The following FUNDC2 variants were observed in gnomAD, a reference collection of about 807,000 sequenced individuals.
FUNDC2 encodes the protein FUN14 domain-containing protein 2.
A neutral mutation model predicts 15.6 loss-of-function variants in FUNDC2; 4 were observed. The ratio of observed to expected loss-of-function variants is 0.26; its 90% CI spans 0.13 to 0.59. The LOEUF (loss-of-function observed/expected upper bound fraction) is 0.59. Ranked by LOEUF, FUNDC2 falls within the 20% of genes least tolerant of loss-of-function variation. The probability of loss-of-function intolerance (pLI) is 0.90; values close to 1 mark genes in which losing one functional copy is unlikely to be tolerated. For synonymous variants in FUNDC2, 44 were observed against 56.9 expected (o/e 0.77, Z 1.02); for missense variants, 98 against 149.7 (o/e 0.65, Z 1.80).
At chrX:155,033,167 T>C (rs1222367370) in intron 1 of FUNDC2, 1 of 280,321 alleles carries the variant, frequency 3.6e-6, no homozygotes, top group Non-Finnish European at 6.3e-6. Context: ...TTTTTAAATT[T>C]GAGAGGACAA....
chrX:155,031,821 T>C (rs1429034552), intron 1 of FUNDC2, among the ~76,000 whole-genome samples: 2 of 111,959 alleles, frequency 1.8e-5, no homozygotes, highest in African/African-American at 6.5e-5. Context: ...TGACATTTCA[T>C]ATCAGACATT....
intron 1 of FUNDC2, among the ~76,000 whole-genome samples, chrX:155,030,338 C>G (rs1034665267): frequency 3.3e-5 from 3 of 91,136 alleles, no homozygotes; most frequent in Non-Finnish European, 6.2e-5. Context: ...CCAGACCAGC[C>G]TAGGCAACAA....
intron 2 of FUNDC2, among the ~76,000 whole-genome samples, chrX:155,039,010 C>T (rs1482479030): frequency 2.7e-5 from 3 of 112,325 alleles, no homozygotes; most frequent in African/African-American, 3.2e-5. Flanking sequence ...CTCACCAACA[C>T]TTGTTATCTC....
rs782780466 is a variant in FUNDC2, at chrX:155,033,439, C to A, written c.170C>A (p.Ala57Glu). The A allele has an allele frequency of 2.5e-6, 3 of 1,209,583 alleles. No individual in the cohort carries two copies. Among genetic ancestry groups the A allele is most frequent in the East Asian group, 5.9e-5 (2 of 33,848 alleles). The stretch of plus-strand genomic sequence containing the variant: ...GGAAATTTTGAGTCACTGGACCTTG[C>A]GGAATTTGCTAAGAAGCAGCCATGG... ...FEGNFESLDLAEFAKKQPWWR... is the reference protein window; with the variant it reads ...FEGNFESLDLEEFAKKQPWWR... The change falls in exon 2 of 5, where the codon GCG becomes GAG. Residue 57 changes from alanine (A) to glutamate (E), a missense_variant. Physicochemically the swap from Ala to Glu is moderately radical, Grantham distance 107. Transcript: ENST00000369498.
In FUNDC2 at chrX:155,057,056, CGG is replaced by C. The variant is rs2073907658; in HGVS notation, c.*2385_*2386del. 1.0e-5 allele frequency: 1 copy of C among 97,573 alleles called. No homozygotes were observed. The allele number at this position is 97,573 out of a possible 1,213,427, so 8.0% of individuals were successfully genotyped here. ...TGGCCTCATCCTGCTAGTATGAGAACGGCTGTGAGTTCTGCCCACGGTGTGAG... is the reference window on the plus strand; with the variant it reads ...TGGCCTCATCCTGCTAGTATGAGAACCTGTGAGTTCTGCCCACGGTGTGAG... On this transcript the variant is annotated 3_prime_UTR_variant, in exon 5 of 5. Transcript: ENST00000369498.
At chrX:155,036,958 C>T (rs1474502734) in intron 2 of FUNDC2, among the ~76,000 whole-genome samples, 2 of 111,172 alleles carry the variant, frequency 1.8e-5, no homozygotes, top group South Asian at 3.7e-4. Flanking sequence ...TGTTTTTATA[C>T]ACTCCTCCAT....
At chrX:155,027,260 G>A in intron 1 of FUNDC2, 189 bp downstream of exon 1, 2 of 379,971 alleles carry the variant, frequency 5.3e-6, no homozygotes, top group Non-Finnish European at 8.2e-6. Context: ...GGTCACGCGC[G>A]TGTCTGGGGC....
rs1031565922 is a variant in FUNDC2, at chrX:155,056,312, G to A, written c.*1640G>A. 4 of 111,350 alleles carry A rather than the reference G, an allele frequency of 3.6e-5. No homozygotes were observed. Among genetic ancestry groups the A allele is most frequent in the Non-Finnish European group, 5.7e-5 (3 of 53,082 alleles). The allele number at this position is 111,350 out of a possible 1,213,427, so 9.2% of individuals were successfully genotyped here. On this transcript the variant is annotated 3_prime_UTR_variant, in exon 5 of 5. Coordinates refer to ENST00000369498, the MANE Select transcript of FUNDC2 (RefSeq NM_023934.4). ...ATGTCATTTTATCATATTTCAGTAT[G>A]TATCTCTAAAAGGTAAGAATTATTT...
rs1569560307 is a variant in FUNDC2, at chrX:155,057,054, A to AACTC, written c.*2384_*2385insTCAC. 1 of 97,126 alleles carries AACTC rather than the reference A, an allele frequency of 1.0e-5. No individual in the cohort carries two copies. The highest frequency in any genetic ancestry group is 1.1e-4 in the Admixed American group (1 of 9,511). 8.0% of individuals were successfully genotyped at this position (97,126 alleles called of 1,213,427 possible). A position where few individuals can be genotyped will look rare whatever the true frequency, so the allele number is the denominator to read the frequency against. On this transcript the variant is annotated 3_prime_UTR_variant, in exon 5 of 5. Coordinates refer to ENST00000369498, the MANE Select transcript of FUNDC2 (RefSeq NM_023934.4). Reference sequence around the variant, plus strand: ...GTTGGCCTCATCCTGCTAGTATGAGAACGGCTGTGAGTTCTGCCCACGGTG... The same window carrying AACTC: ...GTTGGCCTCATCCTGCTAGTATGAGAACTCACGGCTGTGAGTTCTGCCCACGGTG...
chrX:155,035,572 C>A (rs782807498), intron 2 of FUNDC2, among the ~76,000 whole-genome samples: 1 of 112,076 alleles, frequency 8.9e-6, no homozygotes, highest in Non-Finnish European at 1.9e-5. Flanking sequence ...GCCATCCTCC[C>A]GCCACTGATC....
At chrX:155,053,213 TA>T (rs1226438794) in intron 4 of FUNDC2, among the ~76,000 whole-genome samples, 1 of 112,291 alleles carries the variant, frequency 8.9e-6, no homozygotes, top group Non-Finnish European at 1.9e-5. Flanking sequence ...ATAAAAAGCA[TA>T]AAGTTAATAT....
At chrX:155,050,120 G>A (rs1315298193) in intron 3 of FUNDC2, 1 of 111,858 alleles carries the variant, frequency 8.9e-6, no homozygotes, top group African/African-American at 3.3e-5. Flanking sequence ...CTTCTGGTAC[G>A]ATATTTAATA....
At chrX:155,043,168 G>T (rs1245453487) in intron 2 of FUNDC2, among the ~76,000 whole-genome samples, 1 of 111,581 alleles carries the variant, frequency 9.0e-6, no homozygotes. Flanking sequence ...TTAAACACCT[G>T]GGCTCAAGCA....
At chrX:155,034,868 T>C (rs2073826421) in intron 2 of FUNDC2, among the ~76,000 whole-genome samples, 1 of 111,657 alleles carries the variant, frequency 9.0e-6, no homozygotes, top group South Asian at 3.8e-4. Flanking sequence ...GATCTCCTCT[T>C]TCAGTTCCAC....
At chrX:155,051,831 G>T (rs782270800) in intron 4 of FUNDC2, 30 bp downstream of exon 4, 1 of 1,203,228 alleles carries the variant, frequency 8.3e-7, no homozygotes, top group Non-Finnish European at 1.1e-6. Flanking sequence ...CGTGTAGTGT[G>T]TGAACAGTGC....
At position 155,056,800 on chromosome X, in the gene FUNDC2, G is replaced by GT. The variant is rs1439469805; in HGVS notation, c.*2128_*2129insT. ...CTGGCCACCCAATGCCTCTCCAGTG[G>GT]GGTAGGGGTTGTCTTTTGGTGCATC... On this transcript the variant is annotated 3_prime_UTR_variant, in exon 5 of 5. Coordinates refer to ENST00000369498, the MANE Select transcript of FUNDC2 (RefSeq NM_023934.4). 2 of 111,766 alleles carry GT rather than the reference G, an allele frequency of 1.8e-5. No homozygotes were observed. Among genetic ancestry groups the GT allele is most frequent in the East Asian group, 5.6e-4 (2 of 3,563 alleles). 9.2% of individuals were successfully genotyped at this position (111,766 alleles called of 1,213,427 possible). A position where few individuals can be genotyped will look rare whatever the true frequency, so the allele number is the denominator to read the frequency against.
chrX:155,036,823 C>G (rs782591886), intron 2 of FUNDC2, among the ~76,000 whole-genome samples: 1 of 111,165 alleles, frequency 9.0e-6, no homozygotes, highest in African/African-American at 3.3e-5. Context: ...CCAAATTGAT[C>G]TAGGTGCCAT....
chrX:155,029,675 A>T (rs1324222964), intron 1 of FUNDC2, among the ~76,000 whole-genome samples: 8 of 107,722 alleles, frequency 7.4e-5, no homozygotes, highest in African/African-American at 2.7e-4. Context: ...GAATCACTTG[A>T]ACCTGGGAGG....
chrX:155,054,392 G>A (rs1480332817), intron 4 of FUNDC2: 1 of 746,890 alleles, frequency 1.3e-6, no homozygotes, highest in African/African-American at 2.3e-5. Context: ...ACACCAGCCA[G>A]TAGTCATTTT....
Sources: allele counts gnomAD v4.1 joint callset (sites outside exome capture counted in the v4.1 genomes callset), GRCh38; gene constraint gnomAD v4.1.1; transcripts MANE v1.5; gene names NCBI Gene and HGNC (gene_info 2026-07-23, HGNC 2026-07-21).